SLC35F4: variants seen among roughly 807,000 people sequenced by gnomAD.
SLC35F4 encodes chromosome 14 open reading frame 36.
A neutral mutation model predicts 44.2 loss-of-function variants in SLC35F4; 24 were observed. The ratio of observed to expected loss-of-function variants is 0.54; its 90% confidence interval spans 0.39 to 0.76. SLC35F4 has a LOEUF of 0.76. SLC35F4 is among the 30% of genes least tolerant of loss of function. SLC35F4 has a pLI of 0.00. For synonymous variants in SLC35F4, 238 were observed against 223.6 expected, an observed-to-expected ratio of 1.06 and a Z score of -0.57; for missense variants, 562 against 586.1, an observed-to-expected ratio of 0.96 and a Z score of 0.42.
At chr14:57,807,059 A>G (rs1472013478) in intron 1 of SLC35F4, among the ~76,000 whole-genome samples, 4 of 152,262 alleles carry the variant, frequency 2.6e-5, no homozygotes. Flanking sequence ...TCATTGATAA[A>G]TTTTATGCAT....
intron 3 of SLC35F4, among the ~76,000 whole-genome samples, chr14:57,582,873 G>A (rs528757270): frequency 6.6e-6 from 1 of 152,272 alleles, no homozygotes; most frequent in South Asian, 2.1e-4. Flanking sequence ...GAGAGGAGGA[G>A]TGACAAAGAA....
At chr14:57,644,501 A>T (rs1047318129) in intron 1 of SLC35F4, among the ~76,000 whole-genome samples, 1 of 150,618 alleles carries the variant, frequency 6.6e-6, no homozygotes, top group Non-Finnish European at 1.5e-5. Flanking sequence ...TTCTTTGTAG[A>T]TTCTGGATAT....
intron 1 of SLC35F4, among the ~76,000 whole-genome samples, chr14:57,724,860 G>A (rs1419655411): frequency 6.6e-6 from 1 of 152,216 alleles, no homozygotes; most frequent in Non-Finnish European, 1.5e-5. Context: ...AGAACTTTGA[G>A]CAGTGCACCT....
At chr14:57,764,716 G>A (rs2077197239) in intron 1 of SLC35F4, among the ~76,000 whole-genome samples, 1 of 152,152 alleles carries the variant, frequency 6.6e-6, no homozygotes, top group Non-Finnish European at 1.5e-5. Flanking sequence ...TGTAGCAGAT[G>A]ACCTTGGTTT....
At chr14:57,891,587 T>A (rs914325131) in intron 1 of SLC35F4, among the ~76,000 whole-genome samples, 1 of 152,074 alleles carries the variant, frequency 6.6e-6, no homozygotes, top group African/African-American at 2.4e-5. Flanking sequence ...TACTTAAGAC[T>A]CTTTCTTGGG....
intron 1 of SLC35F4, among the ~76,000 whole-genome samples, chr14:57,634,562 G>C (rs563831904): frequency 6.6e-6 from 1 of 152,224 alleles, no homozygotes; most frequent in Admixed American, 6.5e-5. Context: ...GAAAACTCCA[G>C]TGTGGCTGGA....
intron 1 of SLC35F4, among the ~76,000 whole-genome samples, chr14:57,685,975 A>G (rs2140317170): frequency 6.6e-6 from 1 of 152,170 alleles, no homozygotes; most frequent in East Asian, 1.9e-4. Context: ...AGTAGGTCTG[A>G]GCAGATCTCC....
chr14:57,759,434 G>A (rs1318500046), intron 1 of SLC35F4, among the ~76,000 whole-genome samples: 1 of 152,062 alleles, frequency 6.6e-6, no homozygotes, highest in African/African-American at 2.4e-5. Context: ...ACAAAAATTA[G>A]CTAGGCATAG....
intron 1 of SLC35F4, among the ~76,000 whole-genome samples, chr14:57,836,582 C>A (rs554482568): frequency 6.6e-6 from 1 of 152,174 alleles, no homozygotes; most frequent in African/African-American, 2.4e-5. Context: ...TGAGCCACTG[C>A]GCCGGCCTGA....
chr14:57,848,585 G>T (rs74053368), intron 1 of SLC35F4, among the ~76,000 whole-genome samples: 1,994 of 152,306 alleles, frequency 0.013, 39 homozygotes, highest in African/African-American at 0.045. Context: ...TCTTTTGGGA[G>T]ATGATTCTCC....
intron 1 of SLC35F4, among the ~76,000 whole-genome samples, chr14:57,925,099 G>A (rs1229181022): frequency 6.6e-6 from 1 of 151,960 alleles, no homozygotes; most frequent in Non-Finnish European, 1.5e-5. Context: ...AATAAAGTGA[G>A]AATTCACTCA....
At chr14:57,683,736 A>G (rs2074979829) in intron 1 of SLC35F4, among the ~76,000 whole-genome samples, 3 of 152,140 alleles carry the variant, frequency 2.0e-5, no homozygotes, top group Non-Finnish European at 2.9e-5. Context: ...CGTCAGCCTA[A>G]ATACTTGATT....
intron 1 of SLC35F4, among the ~76,000 whole-genome samples, chr14:57,716,875 C>A (rs2075959474): frequency 1.3e-5 from 2 of 150,606 alleles, no homozygotes; most frequent in South Asian, 4.3e-4. Context: ...CTCCCTATTC[C>A]CCTACCTGCT....
intron 1 of SLC35F4, among the ~76,000 whole-genome samples, chr14:57,846,066 A>G (rs1267272609): frequency 6.6e-6 from 1 of 152,228 alleles, no homozygotes; most frequent in Non-Finnish European, 1.5e-5. Context: ...TTCTCTAATA[A>G]GCATAAGTAT....
chr14:57,952,962 G>T (rs1472230675), intron 1 of SLC35F4, among the ~76,000 whole-genome samples: 1 of 151,986 alleles, frequency 6.6e-6, no homozygotes, highest in African/African-American at 2.4e-5. Flanking sequence ...TCCTCGAGAA[G>T]AGCAACCCAA....
intron 1 of SLC35F4, among the ~76,000 whole-genome samples, chr14:57,962,975 AAAG>A (rs1255222470): frequency 6.6e-6 from 1 of 152,184 alleles, no homozygotes; most frequent in Non-Finnish European, 1.5e-5. Flanking sequence ...AGGGGGGAAA[AAAG>A]AAAAAAAATA....
In SLC35F4 at chr14:57,865,977, G is replaced by A; in HGVS notation, c.-152C>T. 4.7e-6 allele frequency: 2 copies of A among 428,414 alleles called. No homozygotes were observed. Among genetic ancestry groups the A allele is most frequent in the Non-Finnish European group, 7.8e-6 (2 of 255,302 alleles). 26.5% of individuals were successfully genotyped at this position (428,414 alleles called of 1,614,324 possible). On this transcript the variant is annotated 5_prime_UTR_variant, in exon 1 of 8. Coordinates refer to ENST00000556826, the MANE Select transcript of SLC35F4 (RefSeq NM_001306087.2). ...GACTCCACCGCCCGGCGCAGCACCG[G>A]CTCCGCATCACAGCGGCGGCGGCGG...
intron 1 of SLC35F4, among the ~76,000 whole-genome samples, chr14:57,803,127 C>T (rs962898172): frequency 6.6e-6 from 1 of 152,094 alleles, no homozygotes; most frequent in Non-Finnish European, 1.5e-5. Context: ...GTCTTCATCC[C>T]CAGGATTCAA....
At chr14:57,748,900 T>C (rs543137041) in intron 1 of SLC35F4, among the ~76,000 whole-genome samples, 3 of 152,248 alleles carry the variant, frequency 2.0e-5, no homozygotes, top group African/African-American at 7.2e-5. Context: ...CAAACAAACC[T>C]CTTTACTAGC....
Sources: gnomAD v4.1 joint callset for allele counts (sites outside exome capture counted in the v4.1 genomes callset) on GRCh38, gnomAD v4.1.1 for gene constraint, MANE v1.5 for transcripts, NCBI Gene and HGNC (gene_info 2026-07-23, HGNC 2026-07-21) for gene names.